ATP8B4: variants seen among roughly 807,000 people sequenced by gnomAD.
The protein encoded by ATP8B4 is ATPase phospholipid transporting 8B4 (putative), also known as probable phospholipid-transporting ATPase IM.
In ATP8B4, 133 loss-of-function variants were observed where a neutral mutation model predicts 145.6. The observed-to-expected ratio is 0.91, with a 90% CI of 0.79 to 1.05. ATP8B4 has a LOEUF of 1.05. ATP8B4 is among the 50% of genes least tolerant of loss of function. The probability of loss-of-function intolerance (pLI) is 0.00; values close to 1 mark genes in which losing one functional copy is unlikely to be tolerated. For synonymous variants in ATP8B4, 507 were observed against 492.9 expected (o/e 1.03, Z -0.38); for missense variants, 1,458 against 1,425.2 (o/e 1.02, Z -0.37).
chr15:49,890,037 T>C lies in ATP8B4; in HGVS notation c.2697+7255A>G, dbSNP rs544134995. ...GGTAGAGAAATAAAAGAAAGGAGAT[T>C]ATGGGATTTTTCAACATTTGTTATG... On this transcript the variant is annotated intron_variant, in intron 23 of 27. Transcript: ENST00000284509. Among the ~76,000 whole-genome samples the C allele has an allele frequency of 2.6e-5, 4 of 152,250 alleles. No individual in the cohort carries two copies. The South Asian group carries it at 8.3e-4, about 32-fold the overall frequency.
intron 9 of ATP8B4, among the ~76,000 whole-genome samples, chr15:49,994,095 T>G (rs1225573904): frequency 2.0e-5 from 3 of 152,168 alleles, no homozygotes; most frequent in Admixed American, 6.6e-5. Flanking sequence ...GAGAGGAAAA[T>G]GTTTTCAGCC....
intron 13 of ATP8B4, among the ~76,000 whole-genome samples, chr15:49,963,441 A>G (rs866479516): frequency 2.0e-5 from 3 of 152,350 alleles, no homozygotes; most frequent in Middle Eastern, 6.8e-3. Context: ...AAATCATTCT[A>G]TTATAAAGAT....
chr15:49,876,378 G>T lies in ATP8B4; in HGVS notation c.2927C>A (p.Ala976Asp), dbSNP rs768589949. 1 of 1,614,128 alleles carries T rather than the reference G, an allele frequency of 6.2e-7. No homozygotes were observed. The highest frequency in any genetic ancestry group is 8.5e-7 in the Non-Finnish European group (1 of 1,179,996). The change falls in exon 25 of 28, where the codon GCC becomes GAC. Residue 976 changes from alanine (A) to aspartate (D), a missense_variant. Physicochemically the swap from Ala to Asp is moderately radical, Grantham distance 126. Coordinates refer to ENST00000284509, the MANE Select transcript of ATP8B4 (RefSeq NM_024837.4). Reference protein sequence around the residue: ...SLVLFFIPYGAFYNVAGEDGQ... With the variant: ...SLVLFFIPYGDFYNVAGEDGQ... ...ATCTTCTCCAGCCACGTTGTAAAAG[G>T]CCCCATAGGGGATGAAGAAAAGGAC...
intron 4 of ATP8B4, among the ~76,000 whole-genome samples, chr15:50,045,078 A>G (rs2051613210): frequency 6.6e-6 from 1 of 152,214 alleles, no homozygotes; most frequent in Non-Finnish European, 1.5e-5. Context: ...TCTGCCTTGC[A>G]CCAGACACTG....
chr15:49,861,422 G>GTGTGTGTC (rs1555390912), intron 27 of ATP8B4, among the ~76,000 whole-genome samples: 76 of 148,336 alleles, frequency 5.1e-4, no homozygotes, highest in East Asian at 2.0e-3. Flanking sequence ...GTGTGTGTGT[G>GTGTGTGTC]TGTCTGTCTG....
rs193113600 is a variant in ATP8B4 at position 49,876,272 on chromosome 15, C to T, written c.3027+6G>A. 8.1e-6 allele frequency: 13 copies of T among 1,613,140 alleles called. No individual in the cohort carries two copies. Among genetic ancestry groups the T allele is most frequent in the African/African-American group, 4.0e-5 (3 of 74,876 alleles). On this transcript the variant is annotated splice_donor_region_variant and intron_variant, in intron 25 of 27. Coordinates refer to ENST00000284509, the MANE Select transcript of ATP8B4 (RefSeq NM_024837.4). ...CAAGTTAAGGTGCTTACACCGACAG[C>T]GTTACCTGCACACTGACCACAATGA...
intron 24 of ATP8B4, among the ~76,000 whole-genome samples, chr15:49,879,145 C>T (rs1225486425): frequency 6.6e-6 from 1 of 152,108 alleles, no homozygotes; most frequent in Non-Finnish European, 1.5e-5. Flanking sequence ...GGGGTGTGAA[C>T]CTCTAAGAGA....
intron 11 of ATP8B4, among the ~76,000 whole-genome samples, chr15:49,980,564 A>C (rs2046067223): frequency 6.6e-6 from 1 of 152,182 alleles, no homozygotes; most frequent in Non-Finnish European, 1.5e-5. Context: ...TCATTTCAAA[A>C]GAATCAGAAG....
chr15:50,085,875 ATT>A (rs1358123959), intron 2 of ATP8B4, among the ~76,000 whole-genome samples: 3 of 32,928 alleles, frequency 9.1e-5, no homozygotes, highest in Admixed American at 3.5e-4. Flanking sequence ...TATCATATAT[ATT>A]TATATATTTA....
chr15:49,934,079 A>G lies in ATP8B4; in HGVS notation c.1391T>C (p.Val464Ala). ...AGCAAGTAACCTAAGGAATTCATGA[A>G]CTTTGGGATCACCCATTTTAATGGA... ...MESIKMGDPK[V>A]HEFLRLLALC... Residue 464 changes from valine to alanine, a missense_variant, in exon 15 of 28, where the codon GTT becomes GCT. Val to Ala is a moderately conservative substitution (Grantham distance 64). Transcript: ENST00000284509. 6.2e-7 allele frequency: 1 copy of G among 1,612,844 alleles called. No individual in the cohort carries two copies. Among genetic ancestry groups the G allele is most frequent in the Non-Finnish European group, 8.5e-7 (1 of 1,179,216 alleles).
Position 49,952,492 on chromosome 15 carries a change from T to C in ATP8B4, c.1287+9485A>G, listed in dbSNP as rs184415690. 1.7e-3 allele frequency among the ~76,000 whole-genome samples: 259 copies of C among 152,324 alleles called. 1 individual carries two copies. In the East Asian group the frequency reaches 0.025, roughly 15 times the overall value. On this transcript the variant is annotated intron_variant, in intron 14 of 27. Coordinates refer to ENST00000284509, the MANE Select transcript of ATP8B4 (RefSeq NM_024837.4). Reference sequence around the variant, plus strand: ...TTCTTCTGTTTAGTCAATTCGGCTGTTGATACTTGTGTATATTTCACGAAC... The same window carrying C: ...TTCTTCTGTTTAGTCAATTCGGCTGCTGATACTTGTGTATATTTCACGAAC...
At chr15:50,073,857 AC>A (rs2153635703) in intron 3 of ATP8B4, among the ~76,000 whole-genome samples, 1 of 152,332 alleles carries the variant, frequency 6.6e-6, no homozygotes, top group East Asian at 1.9e-4. Context: ...CCAAATGGGT[AC>A]CAAAATGAGC....
At chr15:50,072,995 T>TAC (rs2053915176) in intron 3 of ATP8B4, among the ~76,000 whole-genome samples, 1 of 39,488 alleles carries the variant, frequency 2.5e-5, no homozygotes, top group Non-Finnish European at 4.3e-5. Context: ...TATATATATA[T>TAC]ATATATATAT....
At chr15:49,953,533 G>A (rs2043285844) in intron 14 of ATP8B4, among the ~76,000 whole-genome samples, 1 of 152,198 alleles carries the variant, frequency 6.6e-6, no homozygotes, top group African/African-American at 2.4e-5. Flanking sequence ...GACAAGTCTT[G>A]GGACCAAGCT....
intron 20 of ATP8B4, among the ~76,000 whole-genome samples, chr15:49,911,653 C>A (rs781340237): frequency 4.6e-5 from 7 of 152,098 alleles, no homozygotes; most frequent in Non-Finnish European, 8.8e-5. Context: ...CAATGAAGAA[C>A]ATTAGATTTA....
intron 12 of ATP8B4, among the ~76,000 whole-genome samples, chr15:49,977,258 C>T (rs1269472952): frequency 6.6e-6 from 1 of 152,100 alleles, no homozygotes; most frequent in Non-Finnish European, 1.5e-5. Context: ...TGGGTGTTCT[C>T]TTTTCCTATG....
At chr15:50,048,289 G>A (rs1160484506) in intron 3 of ATP8B4, among the ~76,000 whole-genome samples, 1 of 152,138 alleles carries the variant, frequency 6.6e-6, no homozygotes, top group Non-Finnish European at 1.5e-5. Context: ...TTAGTCATAT[G>A]TGGGTAGGAG....
At chr15:49,958,544 C>T (rs893522240) in intron 14 of ATP8B4, among the ~76,000 whole-genome samples, 2 of 151,634 alleles carry the variant, frequency 1.3e-5, no homozygotes, top group South Asian at 2.1e-4. Context: ...AAAAACAACA[C>T]ATAAGAAATA....
At chr15:50,052,685 C>T (rs1456904827) in intron 3 of ATP8B4, among the ~76,000 whole-genome samples, 1 of 152,116 alleles carries the variant, frequency 6.6e-6, no homozygotes, top group Non-Finnish European at 1.5e-5. Flanking sequence ...AATGTCATTG[C>T]TTCTCTAAAA....
Sources: allele counts gnomAD v4.1 joint callset (sites outside exome capture counted in the v4.1 genomes callset), GRCh38; gene constraint gnomAD v4.1.1; transcripts MANE v1.5; gene names NCBI Gene and HGNC (gene_info 2026-07-23, HGNC 2026-07-21).